Variants in PHF24 observed in about 807,000 individuals in gnomAD.
PHF24 encodes PHD finger protein 24.
A neutral mutation model predicts 42.6 loss-of-function variants in PHF24; 25 were observed. The observed-to-expected ratio is 0.59, with a 90% confidence interval of 0.43 to 0.82. The LOEUF (loss-of-function observed/expected upper bound fraction) is 0.82. Among genes scored for constraint, PHF24 ranks in the 40% least tolerant of loss-of-function variants. PHF24 has a pLI of 0.00. For synonymous variants in PHF24, 185 were observed against 204.8 expected (o/e 0.90, Z 0.83); for missense variants, 470 against 538.1 (o/e 0.87, Z 1.25).
chr9:34,977,719 C>G lies in PHF24; in HGVS notation c.1106+78C>G. On this transcript the variant is annotated intron_variant, in intron 7 of 7. Coordinates refer to ENST00000242315, the Ensembl canonical transcript of PHF24. ...CACACAAGTAAGAGAGGGCATTACC[C>G]ACTCCCACTCCAAAACAGCAAGCGC... 6 of 1,232,352 alleles carry G rather than the reference C, an allele frequency of 4.9e-6. No individual in the cohort carries two copies. In the South Asian group the frequency reaches 7.8e-5, roughly 16 times the overall value. The allele number at this position is 1,232,352 out of a possible 1,614,324, so 76.3% of individuals were successfully genotyped here.
At chr9:34,833,842 G>C in the PHF24 span, 2 of 1,551,250 alleles carry the variant, frequency 1.3e-6, no homozygotes, top group Non-Finnish European at 1.7e-6. Context: ...GCTCTGCTGG[G>C]ATTTCCACGG....
the PHF24 span, among the ~76,000 whole-genome samples, chr9:34,921,554 A>AGT: frequency 6.6e-6 from 1 of 152,232 alleles, no homozygotes; most frequent in Non-Finnish European, 1.5e-5. Context: ...AAATAATGAA[A>AGT]GCTAACAGCA....
chr9:34,867,966 C>A, the PHF24 span, among the ~76,000 whole-genome samples: 1 of 152,170 alleles, frequency 6.6e-6, no homozygotes, highest in East Asian at 1.9e-4. Flanking sequence ...CTAAAGGACA[C>A]AACATAAATG....
chr9:34,924,294 C>T, the PHF24 span, among the ~76,000 whole-genome samples: 4 of 151,828 alleles, frequency 2.6e-5, no homozygotes, highest in Middle Eastern at 3.2e-3. Context: ...ATGAAATGTT[C>T]TGTAAATTTT....
chr9:34,947,966 G>A, the PHF24 span, among the ~76,000 whole-genome samples: 93 of 151,952 alleles, frequency 6.1e-4, 1 homozygote, highest in East Asian at 0.016. Context: ...AAAATTAGCC[G>A]GGCATGGTGG....
At chr9:34,771,326 T>C in the PHF24 span, among the ~76,000 whole-genome samples, 13 of 152,220 alleles carry the variant, frequency 8.5e-5, no homozygotes, top group African/African-American at 2.9e-4. Flanking sequence ...CTATACAGCA[T>C]GTTACTGTAC....
At chr9:34,736,950 A>G in the PHF24 span, among the ~76,000 whole-genome samples, 26 of 152,296 alleles carry the variant, frequency 1.7e-4, no homozygotes, top group African/African-American at 5.8e-4. Context: ...TCAGGCCACT[A>G]GGGTTTCTCT....
chr9:34,714,301 C>T, the PHF24 span, among the ~76,000 whole-genome samples: 1 of 149,904 alleles, frequency 6.7e-6, no homozygotes, highest in African/African-American at 2.4e-5. Context: ...TTCCCAGCTC[C>T]CTGGTTTCCC....
chr9:34,955,704 C>T (rs1337071012), upstream of PHF24, among the ~76,000 whole-genome samples: 1 of 152,214 alleles, frequency 6.6e-6, no homozygotes. Flanking sequence ...AGGCTGCTCT[C>T]TAGCAACCCT....
the PHF24 span, among the ~76,000 whole-genome samples, chr9:34,779,293 A>G: frequency 2.6e-5 from 4 of 152,154 alleles, no homozygotes; most frequent in African/African-American, 9.7e-5. Flanking sequence ...AAAAATCAAC[A>G]AACTCAAAAC....
the PHF24 span, among the ~76,000 whole-genome samples, chr9:34,828,798 C>T: frequency 1.3e-5 from 2 of 152,226 alleles, no homozygotes; most frequent in Non-Finnish European, 2.9e-5. Context: ...CTTTGTTCCT[C>T]TATTTACTGG....
At chr9:34,709,829 G>C in the PHF24 span, 2 of 1,614,158 alleles carry the variant, frequency 1.2e-6, no homozygotes, top group East Asian at 2.2e-5. Context: ...CGGTAGCTGC[G>C]GACAACCTTG....
chr9:34,720,271 C>T, the PHF24 span, among the ~76,000 whole-genome samples: 4 of 152,104 alleles, frequency 2.6e-5, no homozygotes, highest in East Asian at 1.9e-4. Context: ...GGTGAAACCC[C>T]GTCTCTACTA....
At chr9:34,739,504 C>G in the PHF24 span, among the ~76,000 whole-genome samples, 1 of 152,292 alleles carries the variant, frequency 6.6e-6, no homozygotes, top group Admixed American at 6.5e-5. Flanking sequence ...CTTGGTCTCA[C>G]TGACTTCAAG....
the PHF24 span, among the ~76,000 whole-genome samples, chr9:34,803,298 T>C: frequency 2.3e-3 from 346 of 152,134 alleles, no homozygotes; most frequent in African/African-American, 8.0e-3. Context: ...GAATATTTAG[T>C]ATGTTCTAAA....
the PHF24 span, chr9:34,726,878 T>A: frequency 6.4e-7 from 1 of 1,551,796 alleles, no homozygotes. Context: ...CTGGTTGTTC[T>A]CACCCACCAG....
At chr9:34,887,401 C>G in the PHF24 span, among the ~76,000 whole-genome samples, 1 of 152,198 alleles carries the variant, frequency 6.6e-6, no homozygotes, top group Non-Finnish European at 1.5e-5. Context: ...TCCTTGCTGG[C>G]TTTCTACCAG....
chr9:34,748,354 T>G, the PHF24 span, among the ~76,000 whole-genome samples: 1 of 151,952 alleles, frequency 6.6e-6, no homozygotes, highest in South Asian at 2.1e-4. Context: ...TGGTGGGAGG[T>G]GATTGGATCA....
At chr9:34,770,984 A>G in the PHF24 span, among the ~76,000 whole-genome samples, 1 of 152,076 alleles carries the variant, frequency 6.6e-6, no homozygotes, top group Non-Finnish European at 1.5e-5. Flanking sequence ...ATTGTGGCGC[A>G]TGACTGTAAT....
Sources: allele counts gnomAD v4.1 joint callset (sites outside exome capture counted in the v4.1 genomes callset), GRCh38; gene constraint gnomAD v4.1.1; transcripts MANE v1.5; gene names NCBI Gene and HGNC (gene_info 2026-07-23, HGNC 2026-07-21).